CRYBG1: variants seen among roughly 807,000 people sequenced by gnomAD.
CRYBG1 encodes crystallin beta-gamma domain containing 1.
In CRYBG1, 139 loss-of-function variants were observed where a neutral mutation model predicts 189.2. That is an observed-to-expected ratio of 0.73 (90% CI 0.64 to 0.85). CRYBG1 has a LOEUF of 0.85. Among genes scored for constraint, CRYBG1 ranks in the 40% least tolerant of loss-of-function variants. The pLI is 0.00. For missense variants in CRYBG1, 2,611 were observed against 2,675.8 expected (o/e 0.98, Z 0.53); for synonymous variants, 1,023 against 1,017.1 (o/e 1.01, Z -0.11).
At chr6:106,438,276 C>T (rs146018873) in intron 1 of CRYBG1, among the ~76,000 whole-genome samples, 1 of 152,184 alleles carries the variant, frequency 6.6e-6, no homozygotes, top group African/African-American at 2.4e-5. Flanking sequence ...AAACGTTGCC[C>T]TCTCCTCAAG....
At chr6:106,438,703 T>C (rs973484744) in intron 1 of CRYBG1, among the ~76,000 whole-genome samples, 11 of 149,690 alleles carry the variant, frequency 7.3e-5, no homozygotes, top group Non-Finnish European at 1.4e-4. Context: ...AATATCTTCC[T>C]TTTTCTACTA....
chr6:106,397,712 T>G (rs1367497396), intron 1 of CRYBG1, among the ~76,000 whole-genome samples: 1 of 152,228 alleles, frequency 6.6e-6, no homozygotes, highest in Non-Finnish European at 1.5e-5. Context: ...ATATCACCAC[T>G]AACTCCATGA....
chr6:106,424,816 C>T (rs528718842), intron 1 of CRYBG1, among the ~76,000 whole-genome samples: 8 of 152,270 alleles, frequency 5.3e-5, no homozygotes, highest in East Asian at 1.9e-4. Context: ...CCTGTCTGCC[C>T]GTCACCACAG....
At chr6:106,362,461 G>T (rs1323058185) in intron 1 of CRYBG1, among the ~76,000 whole-genome samples, 1 of 152,154 alleles carries the variant, frequency 6.6e-6, no homozygotes, top group Non-Finnish European at 1.5e-5. Context: ...ACACAGGAGG[G>T]GATCAGGGAG....
chr6:106,513,167 A>T, intron 3 of CRYBG1, 128 bp downstream of exon 3: 1 of 1,198,144 alleles, frequency 8.3e-7, no homozygotes, highest in Non-Finnish European at 1.1e-6. Context: ...TCCATGCTGA[A>T]CTTAAGATAG....
At chr6:106,460,437 G>C (rs192013350) in intron 2 of CRYBG1, among the ~76,000 whole-genome samples, 1 of 152,130 alleles carries the variant, frequency 6.6e-6, no homozygotes, top group Admixed American at 6.5e-5. Context: ...ATTCAGAGCT[G>C]ATCAAAATTA....
intron 1 of CRYBG1, among the ~76,000 whole-genome samples, chr6:106,390,681 T>C (rs1770483480): frequency 6.6e-6 from 1 of 152,204 alleles, no homozygotes; most frequent in Non-Finnish European, 1.5e-5. Context: ...ATTGGAATCA[T>C]ATGATATGTG....
chr6:106,417,966 T>G (rs1005020261), intron 1 of CRYBG1, among the ~76,000 whole-genome samples: 4 of 152,280 alleles, frequency 2.6e-5, no homozygotes, highest in Non-Finnish European at 4.4e-5. Flanking sequence ...CCCTGTCACA[T>G]GGAGTGGCTA....
chr6:106,542,425 G>A (rs1774154372), intron 10 of CRYBG1, among the ~76,000 whole-genome samples: 1 of 150,724 alleles, frequency 6.6e-6, no homozygotes, highest in Non-Finnish European at 1.5e-5. Flanking sequence ...TGGGACTATA[G>A]GCATGTACCA....
At position 106,552,195 on chromosome 6, in the gene CRYBG1, T is replaced by C; in HGVS notation, c.5451T>C (p.Thr1817=). 1.3e-6 allele frequency: 2 copies of C among 1,581,768 alleles called. No homozygotes were observed. Among genetic ancestry groups the C allele is most frequent in the African/African-American group, 1.4e-5 (1 of 73,614 alleles). ...SVQPICLDSF[T]GPRRRNQIHL... ...TTAAAAATTTTTAGGATTCTTTCAC[T>C]GGCCCAAGGAGACGAAATCAGGTAA... Residue 1817 remains threonine (T), a synonymous_variant, in exon 15 of 22, where the codon ACT becomes ACC. Coordinates refer to ENST00000633556, the MANE Select transcript of CRYBG1 (RefSeq NM_001371242.2).
chr6:106,416,731 A>T (rs1195134703), intron 1 of CRYBG1, among the ~76,000 whole-genome samples: 1 of 152,234 alleles, frequency 6.6e-6, no homozygotes, highest in Non-Finnish European at 1.5e-5. Flanking sequence ...GAATTTGCTA[A>T]ACAAATTGTA....
At chr6:106,539,644 G>C (rs1582826555) in intron 9 of CRYBG1, 115 bp downstream of exon 9, 1 of 1,147,008 alleles carries the variant, frequency 8.7e-7, no homozygotes, top group African/African-American at 1.6e-5. Context: ...ATTTGTAGTA[G>C]ATTGGACCTA....
chr6:106,470,343 C>T (rs1047816630), intron 2 of CRYBG1, among the ~76,000 whole-genome samples: 6 of 152,020 alleles, frequency 3.9e-5, no homozygotes, highest in African/African-American at 1.4e-4. Context: ...ACAAAACGAA[C>T]AACCCTCAGC....
At chr6:106,419,771 C>T (rs1404506780) in intron 1 of CRYBG1, among the ~76,000 whole-genome samples, 1 of 152,192 alleles carries the variant, frequency 6.6e-6, no homozygotes, top group Non-Finnish European at 1.5e-5. Flanking sequence ...CAAAAGATAG[C>T]CTCCAGCAAG....
In CRYBG1 at chr6:106,520,307, A is replaced by G. The variant is rs1183553497; in HGVS notation, c.3099A>G (p.Ala1033=). 2 of 1,614,060 alleles carry G rather than the reference A, an allele frequency of 1.2e-6. No individual in the cohort carries two copies. The highest frequency in any genetic ancestry group is 2.7e-5 in the African/African-American group (2 of 74,936). Residue 1033 remains alanine (A), a synonymous_variant, in exon 4 of 22, where the codon GCA becomes GCG. Coordinates refer to ENST00000633556, the MANE Select transcript of CRYBG1 (RefSeq NM_001371242.2). ...AKSGPQVIPP[A]SEKTLPIQAQ... The stretch of plus-strand genomic sequence containing the variant: ...CTGGCCCACAAGTCATACCGCCAGC[A>G]TCAGAGAAAACTCTGCCTATTCAGG...
intron 1 of CRYBG1, among the ~76,000 whole-genome samples, chr6:106,403,723 T>C (rs1188886994): frequency 6.6e-6 from 1 of 152,112 alleles, no homozygotes; most frequent in Non-Finnish European, 1.5e-5. Flanking sequence ...TAAAAAGTAG[T>C]GGTCAAAATC....
intron 1 of CRYBG1, among the ~76,000 whole-genome samples, chr6:106,445,260 T>C (rs970345102): frequency 7.2e-5 from 11 of 152,218 alleles, no homozygotes; most frequent in African/African-American, 2.7e-4. Context: ...CCCATCCAAC[T>C]TGGAATTTTG....
chr6:106,537,998 AG>A (rs1268153765), intron 8 of CRYBG1, among the ~76,000 whole-genome samples: 16 of 152,168 alleles, frequency 1.1e-4, no homozygotes, highest in Admixed American at 3.9e-4. Context: ...GCAAAGAGGG[AG>A]GGGTCAGACC....
In CRYBG1 at chr6:106,407,602, T is replaced by G. The variant is rs1770850832; in HGVS notation, c.174-44092T>G. Among the ~76,000 whole-genome samples, 3 of 152,150 alleles carry G rather than the reference T, an allele frequency of 2.0e-5. No individual in the cohort carries two copies. In the South Asian group the frequency reaches 6.2e-4, roughly 32 times the overall value. ...CTTCTCAGCACCACATCACACTTAT[T>G]CTAAAACTAACCACATAATTGGAAG... On this transcript the variant is annotated intron_variant, in intron 1 of 21. Coordinates refer to ENST00000633556, the MANE Select transcript of CRYBG1 (RefSeq NM_001371242.2).
Sources: gnomAD v4.1 joint callset for allele counts (sites outside exome capture counted in the v4.1 genomes callset) on GRCh38, gnomAD v4.1.1 for gene constraint, MANE v1.5 for transcripts, NCBI Gene and HGNC (gene_info 2026-07-23, HGNC 2026-07-21) for gene names.